Variants in RANBP17 observed in about 807,000 individuals in gnomAD.
RANBP17 encodes ran-binding protein 17.
A neutral mutation model predicts 141.2 loss-of-function variants in RANBP17; 158 were observed. That is an observed-to-expected ratio of 1.12 (90% confidence interval 0.98 to 1.28). RANBP17 has a LOEUF of 1.28. Among genes scored for constraint, RANBP17 ranks in the 50% most tolerant of loss-of-function variants. The probability of loss-of-function intolerance (pLI) is 0.00; values close to 1 mark genes in which losing one functional copy is unlikely to be tolerated. For missense variants in RANBP17, 1,438 were observed against 1,290.7 expected (o/e 1.11, Z -1.75); for synonymous variants, 430 against 450.0 (o/e 0.96, Z 0.56).
chr5:171,030,914 CTG>C (rs1489176018), intron 14 of RANBP17, among the ~76,000 whole-genome samples: 7 of 152,110 alleles, frequency 4.6e-5, no homozygotes, highest in East Asian at 1.9e-4. Context: ...ATTTCTAAGA[CTG>C]TGAATTTTTA....
chr5:171,170,739 C>T (rs777187773), intron 15 of RANBP17, among the ~76,000 whole-genome samples: 13 of 152,030 alleles, frequency 8.6e-5, no homozygotes, highest in Non-Finnish European at 1.6e-4. Context: ...CCTGGCACCC[C>T]GCTTTATCTG....
intron 21 of RANBP17, among the ~76,000 whole-genome samples, chr5:171,216,848 A>G (rs1270179703): frequency 6.6e-6 from 1 of 152,204 alleles, no homozygotes; most frequent in African/African-American, 2.4e-5. Flanking sequence ...CAATCATGTC[A>G]TCGGCAAACA....
At chr5:171,019,312 G>C (rs1310934002) in intron 14 of RANBP17, among the ~76,000 whole-genome samples, 1 of 152,188 alleles carries the variant, frequency 6.6e-6, no homozygotes, top group Non-Finnish European at 1.5e-5. Context: ...CAATTGTTTG[G>C]AATAGTTTCA....
intron 14 of RANBP17, among the ~76,000 whole-genome samples, chr5:171,046,789 C>G (rs1782616827): frequency 6.6e-6 from 1 of 152,038 alleles, no homozygotes; most frequent in African/African-American, 2.4e-5. Context: ...ATCTTGCCAT[C>G]AATGTCATTT....
rs577661393 is a variant in RANBP17, at chr5:170,881,709, C to T, written c.166-97C>T. ...TTGTAAATTTGCCAGTTTGGAAAAC[C>T]GGAAGAATTTCTGTTATTGCTTAGA... On this transcript the variant is annotated intron_variant, in intron 2 of 27. Transcript: ENST00000523189. 96 of 834,178 alleles carry T rather than the reference C, an allele frequency of 1.2e-4. 1 individual carries two copies. The African/African-American group carries it at 1.2e-3, about 10-fold the overall frequency. The allele number at this position is 834,178 out of a possible 1,614,324, so 51.7% of individuals were successfully genotyped here.
intron 14 of RANBP17, among the ~76,000 whole-genome samples, chr5:170,976,281 A>G (rs1010090008): frequency 2.0e-5 from 3 of 152,196 alleles, no homozygotes; most frequent in Non-Finnish European, 4.4e-5. Flanking sequence ...TAAATTTAAC[A>G]AAAGTGTAAA....
At chr5:170,978,618 A>C (rs192941035) in intron 14 of RANBP17, among the ~76,000 whole-genome samples, 13 of 152,204 alleles carry the variant, frequency 8.5e-5, no homozygotes, top group Non-Finnish European at 1.9e-4. Flanking sequence ...AAAAGTGTAC[A>C]TATTTTATTA....
chr5:171,001,717 G>A (rs772476658), intron 14 of RANBP17, among the ~76,000 whole-genome samples: 2 of 152,076 alleles, frequency 1.3e-5, no homozygotes, highest in Non-Finnish European at 2.9e-5. Flanking sequence ...ATGGTAAGGG[G>A]TACAAAGTTT....
chr5:170,930,899 G>A (rs1457728525), intron 12 of RANBP17, among the ~76,000 whole-genome samples: 1 of 152,186 alleles, frequency 6.6e-6, no homozygotes, highest in Non-Finnish European at 1.5e-5. Flanking sequence ...ATAGCGGTGT[G>A]ATTTATAATC....
rs571118296 is a variant in RANBP17 at position 171,154,868 on chromosome 5, C to T, written c.1711-15262C>T. On this transcript the variant is annotated intron_variant, in intron 14 of 27. Coordinates refer to ENST00000523189, the MANE Select transcript of RANBP17 (RefSeq NM_022897.5). ...GGCACGTGGAGCACCTGAGGTCAGG[C>T]GTTTTGAGACTAGCCTGGCCAACAT... Among the ~76,000 whole-genome samples, 162 of 151,684 alleles carry T rather than the reference C, an allele frequency of 1.1e-3. 1 individual carries two copies. Among genetic ancestry groups the T allele is most frequent in the African/African-American group, 3.8e-3 (156 of 41,380 alleles).
chr5:171,280,645 A>T (rs1452170872), intron 25 of RANBP17, among the ~76,000 whole-genome samples: 1 of 152,036 alleles, frequency 6.6e-6, no homozygotes, highest in African/African-American at 2.4e-5. Flanking sequence ...GTTGAGGAAG[A>T]CTCCTTGTTT....
chr5:171,256,058 G>C (rs1483330375), intron 24 of RANBP17, among the ~76,000 whole-genome samples: 1 of 152,028 alleles, frequency 6.6e-6, no homozygotes, highest in African/African-American at 2.4e-5. Context: ...ATCGGTATAG[G>C]GTTTTTTCTT....
chr5:170,897,321 C>T (rs1770217522), intron 5 of RANBP17: 1 of 598,982 alleles, frequency 1.7e-6, no homozygotes, highest in African/African-American at 1.9e-5. Flanking sequence ...GGAGGAGAAT[C>T]AGGATCTGGG....
chr5:170,946,008 G>T (rs1774725198), intron 12 of RANBP17, among the ~76,000 whole-genome samples: 1 of 152,118 alleles, frequency 6.6e-6, no homozygotes, highest in African/African-American at 2.4e-5. Context: ...ATTGACAACT[G>T]TATTGCTGGA....
chr5:170,879,190 T>G (rs1768447826), intron 2 of RANBP17, among the ~76,000 whole-genome samples: 1 of 152,190 alleles, frequency 6.6e-6, no homozygotes, highest in African/African-American at 2.4e-5. Context: ...AGATAGGTAC[T>G]GCTAAATACT....
chr5:171,238,903 C>T (rs118064899), intron 22 of RANBP17, among the ~76,000 whole-genome samples: 2 of 152,254 alleles, frequency 1.3e-5, no homozygotes, highest in East Asian at 3.9e-4. Context: ...TTTCTGTTCA[C>T]ATAACATCTT....
chr5:171,247,377 T>C (rs984587471), intron 24 of RANBP17, among the ~76,000 whole-genome samples: 3 of 152,236 alleles, frequency 2.0e-5, no homozygotes, highest in Non-Finnish European at 4.4e-5. Context: ...ATTTAGAATG[T>C]TGAAAGTAAC....
chr5:171,139,213 C>T (rs1406279646), intron 14 of RANBP17, among the ~76,000 whole-genome samples: 2 of 152,136 alleles, frequency 1.3e-5, no homozygotes, highest in Non-Finnish European at 1.5e-5. Flanking sequence ...ACCCGCTTTT[C>T]GGGTAGCATT....
At chr5:171,175,685 A>G (rs1176046645) in intron 16 of RANBP17, among the ~76,000 whole-genome samples, 1 of 152,204 alleles carries the variant, frequency 6.6e-6, no homozygotes, top group Non-Finnish European at 1.5e-5. Flanking sequence ...AAAAAAGCTC[A>G]TCATCACTGG....
Sources: gnomAD v4.1 joint callset for allele counts (sites outside exome capture counted in the v4.1 genomes callset) on GRCh38, gnomAD v4.1.1 for gene constraint, MANE v1.5 for transcripts, NCBI Gene and HGNC (gene_info 2026-07-23, HGNC 2026-07-21) for gene names.